FGF14: variants seen among roughly 807,000 people sequenced by gnomAD.
The protein encoded by FGF14 is fibroblast growth factor 14, also known as fibroblast growth factor homologous factor 4.
A neutral mutation model predicts 25.5 loss-of-function variants in FGF14; 5 were observed. The observed-to-expected ratio is 0.20, with a 90% CI of 0.10 to 0.41. The LOEUF (loss-of-function observed/expected upper bound fraction) is 0.41, where lower values mean the gene tolerates loss of function less well. Among genes scored for constraint, FGF14 ranks in the 10% least tolerant of loss-of-function variants. FGF14 has a pLI of 1.00. For missense variants in FGF14, 222 were observed against 320.1 expected, an observed-to-expected ratio of 0.69 and a Z score of 2.34; for synonymous variants, 138 against 118.3, an observed-to-expected ratio of 1.17 and a Z score of -1.08.
intron 1 of FGF14, among the ~76,000 whole-genome samples, chr13:102,009,979 G>C (rs1431955744): frequency 2.0e-5 from 3 of 152,084 alleles, no homozygotes; most frequent in African/African-American, 7.2e-5. Flanking sequence ...TGATCTAAAA[G>C]TTCTTAAATG....
At chr13:102,014,833 T>G (rs535403343) in intron 1 of FGF14, among the ~76,000 whole-genome samples, 5 of 152,300 alleles carry the variant, frequency 3.3e-5, no homozygotes, top group African/African-American at 1.2e-4. Context: ...AAAGAGGGCA[T>G]GAGAATTAAG....
Position 102,318,385 on chromosome 13 carries a change from C to T in FGF14, c.208+83086G>A, listed in dbSNP as rs532865894. 2.6e-5 allele frequency among the ~76,000 whole-genome samples: 4 copies of T among 152,302 alleles called. No homozygotes were observed. In the South Asian group the frequency reaches 8.3e-4, roughly 32 times the overall value. ...TGTGTCCTAGGCTGCTGTAACAAGG[C>T]ACCATCAGCTGCGTGGCCTAAACAA... On this transcript the variant is annotated intron_variant, in intron 1 of 4. Coordinates refer to the FGF14 transcript ENST00000376131.
At chr13:101,998,047 GA>G (rs1230389756) in intron 1 of FGF14, among the ~76,000 whole-genome samples, 1 of 151,954 alleles carries the variant, frequency 6.6e-6, no homozygotes, top group Non-Finnish European at 1.5e-5. Context: ...AAAAAATCCT[GA>G]ATATAATCTT....
At chr13:102,233,389 C>T (rs1180863028) in intron 1 of FGF14, among the ~76,000 whole-genome samples, 3 of 152,134 alleles carry the variant, frequency 2.0e-5, no homozygotes, top group Non-Finnish European at 4.4e-5. Flanking sequence ...CCTTGACCTT[C>T]CAAAGTGCTG....
chr13:101,792,593 G>C (rs2040300053), intron 3 of FGF14, among the ~76,000 whole-genome samples: 1 of 152,144 alleles, frequency 6.6e-6, no homozygotes, highest in Admixed American at 6.6e-5. Context: ...GCCATTGCAA[G>C]AGGGCTGTGA....
Position 102,050,173 on chromosome 13 carries a change from G to T in FGF14, c.209-174877C>A, listed in dbSNP as rs546576066. On this transcript the variant is annotated intron_variant, in intron 1 of 4. Transcript: ENST00000376131. ...TCAAGGCTGAGTGGATGATTCAAAT[G>T]TGTTAAGAGGAAAATAAATGAGAAA... Among the ~76,000 whole-genome samples the T allele has an allele frequency of 2.0e-4, 30 of 152,286 alleles. No homozygotes were observed. The South Asian group carries it at 2.7e-3, about 14-fold the overall frequency.
At chr13:102,114,781 AATT>A (rs2140336144) in intron 1 of FGF14, among the ~76,000 whole-genome samples, 1 of 152,258 alleles carries the variant, frequency 6.6e-6, no homozygotes, top group African/African-American at 2.4e-5. Context: ...AAAACAGTCA[AATT>A]CATAGAATCA....
chr13:102,078,138 G>A (rs544148822), intron 1 of FGF14, among the ~76,000 whole-genome samples: 51 of 152,252 alleles, frequency 3.3e-4, no homozygotes, highest in African/African-American at 1.2e-3. Context: ...GGGGTACGGG[G>A]TGGGGGCTCA....
At chr13:101,746,141 C>T (rs527640199) in intron 3 of FGF14, among the ~76,000 whole-genome samples, 1 of 151,974 alleles carries the variant, frequency 6.6e-6, no homozygotes, top group African/African-American at 2.4e-5. Context: ...CTCCTCTGAA[C>T]CCAACCCTCT....
At chr13:102,295,711 C>T (rs1416264645) in intron 1 of FGF14, among the ~76,000 whole-genome samples, 2 of 152,156 alleles carry the variant, frequency 1.3e-5, no homozygotes, top group Non-Finnish European at 2.9e-5. Flanking sequence ...CACCACATTG[C>T]TTTTACCCAA....
At chr13:102,392,842 TCCA>T (rs770501631) in intron 1 of FGF14, among the ~76,000 whole-genome samples, 4 of 152,174 alleles carry the variant, frequency 2.6e-5, no homozygotes, top group Non-Finnish European at 5.9e-5. Context: ...CCCTGGTCTT[TCCA>T]CCTTCAACCT....
chr13:101,825,721 C>A, intron 3 of FGF14, among the ~76,000 whole-genome samples: 2 of 151,410 alleles, frequency 1.3e-5, no homozygotes, highest in South Asian at 2.1e-4. Context: ...ATTTACAAAA[C>A]CTAAAGTAGA....
At chr13:101,960,046 G>A (rs2036750222) in intron 1 of FGF14, among the ~76,000 whole-genome samples, 1 of 152,144 alleles carries the variant, frequency 6.6e-6, no homozygotes, top group Non-Finnish European at 1.5e-5. Flanking sequence ...TGAATAAAAT[G>A]TCAAATTATC....
intron 1 of FGF14, among the ~76,000 whole-genome samples, chr13:101,986,343 A>G (rs1429023472): frequency 6.6e-6 from 1 of 152,116 alleles, no homozygotes; most frequent in Non-Finnish European, 1.5e-5. Context: ...GGCAATATCT[A>G]CTGAAAAGCT....
At chr13:102,263,524 A>G (rs2052827227) in intron 1 of FGF14, among the ~76,000 whole-genome samples, 1 of 152,226 alleles carries the variant, frequency 6.6e-6, no homozygotes. Context: ...AAGTAATTCA[A>G]TACCAATATT....
intron 1 of FGF14, among the ~76,000 whole-genome samples, chr13:102,098,288 G>A (rs1457285188): frequency 1.1e-4 from 17 of 152,134 alleles, no homozygotes; most frequent in Admixed American, 1.1e-3. Flanking sequence ...AGAAAGTCGT[G>A]TCCCTAGATA....
At chr13:101,832,984 C>T (rs905787551) in intron 3 of FGF14, among the ~76,000 whole-genome samples, 2 of 151,934 alleles carry the variant, frequency 1.3e-5, no homozygotes, top group Admixed American at 6.6e-5. Context: ...TTTTGTTTGC[C>T]GGATCTCTTT....
rs1229405354 is a variant in FGF14 at position 101,720,855 on chromosome 13, T to G, written c.*1976A>C. The G allele has an allele frequency of 6.6e-6, 1 of 152,158 alleles. No homozygotes were observed. The highest frequency in any genetic ancestry group is 1.9e-4 in the East Asian group (1 of 5,192). 9.4% of individuals were successfully genotyped at this position (152,158 alleles called of 1,614,324 possible). ...CATTGGCAATAAATCTACTCAAACG[T>G]TCTGCTAACTTTTTATTTATTCAAG... On this transcript the variant is annotated 3_prime_UTR_variant, in exon 5 of 5. Coordinates refer to ENST00000376143, the MANE Select transcript of FGF14 (RefSeq NM_004115.4).
At chr13:102,111,302 C>T (rs1184460234) in intron 1 of FGF14, among the ~76,000 whole-genome samples, 2 of 152,214 alleles carry the variant, frequency 1.3e-5, no homozygotes, top group Non-Finnish European at 2.9e-5. Context: ...TTTTATATCT[C>T]TTGACAGCCT....
Sources: allele counts gnomAD v4.1 joint callset (sites outside exome capture counted in the v4.1 genomes callset), GRCh38; gene constraint gnomAD v4.1.1; transcripts MANE v1.5; gene names NCBI Gene and HGNC (gene_info 2026-07-23, HGNC 2026-07-21).